Variants in HTT observed in about 807,000 individuals in gnomAD.
HTT encodes the protein huntington disease protein.
Under a neutral mutation model 362.3 loss-of-function variants are expected in HTT, and 104 were observed. The observed-to-expected ratio is 0.29, with a 90% CI of 0.24 to 0.34. The LOEUF (loss-of-function observed/expected upper bound fraction) is 0.34, where lower values mean the gene tolerates loss of function less well. HTT is among the 10% of genes least tolerant of loss of function. The pLI is 1.00. For missense variants in HTT, 3,301 were observed against 3,928.6 expected, an observed-to-expected ratio of 0.84 and a Z score of 4.27; for synonymous variants, 1,577 against 1,548.7, an observed-to-expected ratio of 1.02 and a Z score of -0.43.
In HTT at chr4:3,186,804, T is replaced by G. The variant is rs2110247094; in HGVS notation, c.4989+85T>G. ...TGGGACCACCCCCAGAATGTCTGAGTCAGTCAGTTTGGGTAGGGCTTCTTG... is the reference window on the plus strand; with the variant it reads ...TGGGACCACCCCCAGAATGTCTGAGGCAGTCAGTTTGGGTAGGGCTTCTTG... On this transcript the variant is annotated intron_variant, in intron 38 of 66. Transcript: ENST00000355072. 7 of 1,334,396 alleles carry G rather than the reference T, an allele frequency of 5.2e-6. No individual in the cohort carries two copies. The South Asian group carries it at 8.8e-5, about 17-fold the overall frequency. The allele number at this position is 1,334,396 out of a possible 1,614,324, so 82.7% of individuals were successfully genotyped here.
At chr4:3,135,708 T>TTCCA (rs1449735661) in intron 19 of HTT, among the ~76,000 whole-genome samples, 196 bp from the exon 20 acceptor site, 35 of 152,338 alleles carry the variant, frequency 2.3e-4, no homozygotes, top group African/African-American at 8.2e-4. Flanking sequence ...TACTGAGTAC[T>TTCCA]GTCTTATTGA....
At position 3,243,543 on chromosome 4, in the gene HTT, A is replaced by T. The variant is rs1721916963; in HGVS notation, c.*3484A>T. The T allele has an allele frequency of 6.6e-6, 1 of 152,242 alleles. No individual in the cohort carries two copies. Among genetic ancestry groups the T allele is most frequent in the Admixed American group, 6.5e-5 (1 of 15,282 alleles). 9.4% of individuals were successfully genotyped at this position (152,242 alleles called of 1,614,324 possible). On this transcript the variant is annotated 3_prime_UTR_variant, in exon 67 of 67. Coordinates refer to ENST00000355072, the MANE Select transcript of HTT (RefSeq NM_001388492.1). ...AGAATGCCGCATGACAACTGAAGGC[A>T]ACCTGGAAGGTTCAGGGGCCGCTCT...
At chr4:3,153,310 G>A (rs969808012) in intron 26 of HTT, among the ~76,000 whole-genome samples, 10 of 152,138 alleles carry the variant, frequency 6.6e-5, no homozygotes, top group Non-Finnish European at 1.2e-4. Flanking sequence ...AAGTTTCAGT[G>A]TATAAATTTG....
intron 6 of HTT, among the ~76,000 whole-genome samples, chr4:3,114,958 A>G (rs1303024152): frequency 6.6e-6 from 1 of 151,916 alleles, no homozygotes; most frequent in Non-Finnish European, 1.5e-5. Context: ...GTTGGCTAGT[A>G]CTCTTTTCTC....
At chr4:3,117,832 C>CA (rs572460055) in intron 8 of HTT, among the ~76,000 whole-genome samples, 464 of 152,086 alleles carry the variant, frequency 3.1e-3, no homozygotes, top group African/African-American at 8.1e-3. Context: ...GATTCTGTCT[C>CA]AAAAAAACAA....
At chr4:3,205,043 A>T (rs1719789251) in intron 42 of HTT, among the ~76,000 whole-genome samples, 1 of 152,178 alleles carries the variant, frequency 6.6e-6, no homozygotes, top group Non-Finnish European at 1.5e-5. Context: ...GTCACATTTT[A>T]TGATGGATTC....
rs1247177441 is a variant in HTT, at chr4:3,154,371, C to G, written c.3577C>G (p.Gln1193Glu). Residue 1193 changes from glutamine (Q) to glutamate (E), a missense_variant, in exon 27 of 67, where the codon CAA becomes GAA. Physicochemically the swap from Gln to Glu is conservative, Grantham distance 29. Coordinates refer to ENST00000355072, the MANE Select transcript of HTT (RefSeq NM_001388492.1). ...GGGGAAGGAGAAAGAACCAGGAGAA[C>G]AAGCATCTGTACCGTTGAGTCCCAA... ...RKGKEKEPGE[Q>E]ASVPLSPKKG... is the part of the protein sequence containing the mutation. The G allele has an allele frequency of 3.7e-6, 6 of 1,613,738 alleles. No individual in the cohort carries two copies. Among genetic ancestry groups the G allele is most frequent in the Non-Finnish European group, 5.1e-6 (6 of 1,179,902 alleles).
chr4:3,090,564 A>G (rs1713447506), intron 2 of HTT, among the ~76,000 whole-genome samples: 1 of 152,190 alleles, frequency 6.6e-6, no homozygotes, highest in African/African-American at 2.4e-5. Flanking sequence ...ACGTTTAAAG[A>G]TCTAGTTCAC....
intron 9 of HTT, among the ~76,000 whole-genome samples, chr4:3,122,388 T>C (rs1715337112): frequency 1.3e-5 from 2 of 152,352 alleles, no homozygotes; most frequent in South Asian, 2.1e-4. Flanking sequence ...AGCGTGGCCT[T>C]ACTCACAGCC....
chr4:3,134,603 T>G, intron 19 of HTT, 63 bp downstream of exon 19: 1 of 1,421,486 alleles, frequency 7.0e-7, no homozygotes. Flanking sequence ...TGGGATCACT[T>G]GATGCAAGGA....
intron 21 of HTT, 41 bp downstream of exon 21, chr4:3,136,367 A>T: frequency 9.4e-7 from 1 of 1,065,880 alleles, no homozygotes; most frequent in Non-Finnish European, 1.4e-6. Context: ...TTTTGGTTGA[A>T]GTACTAAAAG....
At position 3,182,339 on chromosome 4, in the gene HTT, T is replaced by C. The variant is rs1718564312; in HGVS notation, c.4750-15T>C. ...CTCTTGGCAGCAGACTTTCTAATTG[T>C]GCACGCTCTTATAGGTGTTGGAGAT... On this transcript the variant is annotated splice_polypyrimidine_tract_variant and intron_variant, in intron 36 of 66. Transcript: ENST00000355072. 3 of 1,556,904 alleles carry C rather than the reference T, an allele frequency of 1.9e-6. No individual in the cohort carries two copies. In the East Asian group the frequency reaches 6.7e-5, roughly 35 times the overall value.
intron 1 of HTT, among the ~76,000 whole-genome samples, chr4:3,076,170 G>A (rs1350660556): frequency 1.3e-5 from 2 of 152,146 alleles, no homozygotes; most frequent in African/African-American, 4.8e-5. Context: ...TTCTTGGGGA[G>A]AATTTTTGAA....
intron 8 of HTT, 99 bp downstream of exon 8, chr4:3,116,362 G>C: frequency 9.5e-7 from 1 of 1,048,154 alleles, no homozygotes; most frequent in Non-Finnish European, 1.4e-6. Flanking sequence ...AGAGTTAGAG[G>C]TGTGGACTCT....
intron 51 of HTT, among the ~76,000 whole-genome samples, chr4:3,216,086 A>G (rs370050734): frequency 2.6e-5 from 4 of 152,176 alleles, no homozygotes; most frequent in Non-Finnish European, 4.4e-5. Flanking sequence ...TCATGAGTGC[A>G]CCAGTGCTTT....
chr4:3,113,327 A>G (rs959821046), intron 6 of HTT, among the ~76,000 whole-genome samples: 28 of 151,820 alleles, frequency 1.8e-4, no homozygotes, highest in African/African-American at 6.8e-4. Context: ...GGACTCATAC[A>G]ATGATTTTTT....
intron 8 of HTT, among the ~76,000 whole-genome samples, chr4:3,119,500 A>T (rs1000255058): frequency 1.3e-5 from 2 of 152,250 alleles, no homozygotes; most frequent in Non-Finnish European, 2.9e-5. Flanking sequence ...TCAGAAAGAA[A>T]TATTTCATTA....
intron 28 of HTT, among the ~76,000 whole-genome samples, chr4:3,158,094 C>G (rs1044162935): frequency 3.4e-5 from 5 of 149,144 alleles, no homozygotes; most frequent in African/African-American, 1.2e-4. Flanking sequence ...AAGTGATCCT[C>G]CCACCTCAGC....
chr4:3,075,647 C>CGGGGGG (rs1560535774), intron 1 of HTT, among the ~76,000 whole-genome samples: 3 of 61,676 alleles, frequency 4.9e-5, no homozygotes, highest in Non-Finnish European at 8.8e-5. Flanking sequence ...AGTGGCGGGG[C>CGGGGGG]AGGGGGGGGG....
Sources: allele counts gnomAD v4.1 joint callset (sites outside exome capture counted in the v4.1 genomes callset), GRCh38; gene constraint gnomAD v4.1.1; transcripts MANE v1.5; gene names NCBI Gene and HGNC (gene_info 2026-07-23, HGNC 2026-07-21).